Variants in VEPH1 observed in about 807,000 individuals in gnomAD.
VEPH1 encodes the protein ventricular zone expressed PH domain containing 1.
VEPH1 carries 80 observed loss-of-function variants against 85.2 expected under a neutral mutation model. The observed-to-expected ratio is 0.94, with a 90% CI of 0.78 to 1.13. The LOEUF is 1.13. VEPH1 is among the 50% of genes most tolerant of loss of function. The pLI, the probability that VEPH1 is intolerant of heterozygous loss-of-function variation, is 0.00. For missense variants in VEPH1, 955 were observed against 980.5 expected, an observed-to-expected ratio of 0.97 and a Z score of 0.35; for synonymous variants, 297 against 348.0, an observed-to-expected ratio of 0.85 and a Z score of 1.63.
rs573328767 is a variant in VEPH1, at chr3:157,264,268, G to A, written c.2265+1258C>T. Reference sequence around the variant, plus strand: ...CCCCCCAGCTCACTGCCATACCCAGGTTCTCAGGCCTTTGGCCTTGGACTG... The same window carrying A: ...CCCCCCAGCTCACTGCCATACCCAGATTCTCAGGCCTTTGGCCTTGGACTG... On this transcript the variant is annotated intron_variant, in intron 13 of 13. Transcript: ENST00000362010. 8.2e-4 allele frequency among the ~76,000 whole-genome samples: 125 copies of A among 152,294 alleles called. 2 individuals are homozygous for A. The South Asian group carries it at 0.025, about 31-fold the overall frequency.
chr3:157,491,336 G>A (rs1183303317), intron 2 of VEPH1, among the ~76,000 whole-genome samples: 2 of 152,148 alleles, frequency 1.3e-5, no homozygotes, highest in Admixed American at 1.3e-4. Context: ...AGAAGTGGAT[G>A]AGTGGATGAG....
At chr3:157,267,091 T>TC (rs1713756098) in intron 12 of VEPH1, among the ~76,000 whole-genome samples, 1 of 112,536 alleles carries the variant, frequency 8.9e-6, no homozygotes, top group Non-Finnish European at 1.8e-5. Context: ...TCTTTTCTTT[T>TC]TCTTTTTTTT....
At chr3:157,364,558 C>A in intron 7 of VEPH1, 46 bp from the exon 8 acceptor site, 1 of 1,553,480 alleles carries the variant, frequency 6.4e-7, no homozygotes, top group Non-Finnish European at 8.8e-7. Context: ...CATATATACT[C>A]TTCAGAACAG....
At chr3:157,333,787 T>C (rs926609088) in intron 9 of VEPH1, among the ~76,000 whole-genome samples, 4 of 152,180 alleles carry the variant, frequency 2.6e-5, no homozygotes, top group Non-Finnish European at 5.9e-5. Flanking sequence ...TAACCAGATA[T>C]AGGGCACAGA....
chr3:157,388,983 A>G (rs1483242477), intron 6 of VEPH1, among the ~76,000 whole-genome samples: 1 of 152,146 alleles, frequency 6.6e-6, no homozygotes, highest in Non-Finnish European at 1.5e-5. Flanking sequence ...TTTGGGAATA[A>G]CAAGTAGCTA....
intron 9 of VEPH1, among the ~76,000 whole-genome samples, chr3:157,351,979 G>A (rs1164891404): frequency 2.6e-5 from 4 of 152,114 alleles, no homozygotes; most frequent in African/African-American, 7.2e-5. Flanking sequence ...AATTACCTCT[G>A]GTTTAGAATA....
intron 13 of VEPH1, among the ~76,000 whole-genome samples, chr3:157,262,690 C>T (rs1382721244): frequency 1.3e-5 from 2 of 152,012 alleles, no homozygotes; most frequent in Non-Finnish European, 2.9e-5. Flanking sequence ...TTTAAAATGT[C>T]AATATTTACA....
intron 3 of VEPH1, among the ~76,000 whole-genome samples, chr3:157,460,599 G>A (rs1735773375): frequency 6.6e-6 from 1 of 152,170 alleles, no homozygotes; most frequent in Non-Finnish European, 1.5e-5. Context: ...AAAAGGCAGG[G>A]TGCTAACAGA....
Position 157,273,027 on chromosome 3 carries a change from G to A in VEPH1, c.2129-7365C>T, listed in dbSNP as rs78354995. Reference sequence around the variant, plus strand: ...GGAAGAAGGGTAGAAAGGAGTTAGAGGGGGAAAACCATGGGTCTAAAGAAT... The same window carrying A: ...GGAAGAAGGGTAGAAAGGAGTTAGAAGGGGAAAACCATGGGTCTAAAGAAT... On this transcript the variant is annotated intron_variant, in intron 12 of 13. Transcript: ENST00000362010. 2.9e-3 allele frequency among the ~76,000 whole-genome samples: 435 copies of A among 152,282 alleles called. 1 individual carries two copies. The highest frequency in any genetic ancestry group is 0.01 in the African/African-American group (416 of 41,546).
chr3:157,392,619 T>A (rs1234824650), intron 6 of VEPH1, among the ~76,000 whole-genome samples: 1 of 150,902 alleles, frequency 6.6e-6, no homozygotes, highest in Non-Finnish European at 1.5e-5. Context: ...GCTGATGATC[T>A]AAAAAAAAAA....
At chr3:157,304,296 G>A (rs1719225691) in intron 11 of VEPH1, among the ~76,000 whole-genome samples, 1 of 152,070 alleles carries the variant, frequency 6.6e-6, no homozygotes, top group South Asian at 2.1e-4. Flanking sequence ...CCAAATGTTA[G>A]CCAGATGGGG....
chr3:157,424,245 T>A (rs550830496), intron 5 of VEPH1, among the ~76,000 whole-genome samples: 74 of 152,362 alleles, frequency 4.9e-4, no homozygotes, highest in Non-Finnish European at 9.0e-4. Flanking sequence ...ATGTAAGAAG[T>A]GCCTTTTGCC....
chr3:157,311,755 C>T (rs900640754), intron 11 of VEPH1, among the ~76,000 whole-genome samples: 4 of 151,892 alleles, frequency 2.6e-5, no homozygotes, highest in African/African-American at 9.7e-5. Context: ...TTTTAATTTA[C>T]TGGTTGCCTC....
intron 9 of VEPH1, among the ~76,000 whole-genome samples, chr3:157,345,973 G>A (rs1446353642): frequency 6.7e-6 from 1 of 150,346 alleles, no homozygotes; most frequent in Non-Finnish European, 1.5e-5. Context: ...GGTGGGAATT[G>A]AACAATGAGA....
Position 157,421,042 on chromosome 3 carries a change from G to C in VEPH1, c.697-6952C>G, listed in dbSNP as rs1213058362. Among the ~76,000 whole-genome samples, 15 of 152,170 alleles carry C rather than the reference G, an allele frequency of 9.9e-5. 1 individual carries two copies. Among genetic ancestry groups the C allele is most frequent in the Admixed American group, 8.5e-4 (13 of 15,272 alleles). ...TCCTGAGAATTCTCTGGAGGTACCAGTTATAAATTACTAGCCAGGAACTGC... is the reference window on the plus strand; with the variant it reads ...TCCTGAGAATTCTCTGGAGGTACCACTTATAAATTACTAGCCAGGAACTGC... On this transcript the variant is annotated intron_variant, in intron 5 of 13. Coordinates refer to ENST00000362010, the MANE Select transcript of VEPH1 (RefSeq NM_001167912.2).
chr3:157,399,323 A>G (rs1730650201), intron 6 of VEPH1, among the ~76,000 whole-genome samples: 1 of 152,218 alleles, frequency 6.6e-6, no homozygotes, highest in African/African-American at 2.4e-5. Flanking sequence ...TATCTTCAAC[A>G]TTTCACCAAG....
intron 11 of VEPH1, among the ~76,000 whole-genome samples, chr3:157,291,772 C>T (rs931262005): frequency 2.0e-5 from 3 of 152,124 alleles, no homozygotes; most frequent in South Asian, 4.1e-4. Context: ...TGGCACTTTG[C>T]CCATAGTAAA....
chr3:157,458,620 TAATTC>T (rs902865300), intron 4 of VEPH1, among the ~76,000 whole-genome samples: 13 of 152,360 alleles, frequency 8.5e-5, no homozygotes, highest in Admixed American at 5.2e-4. Flanking sequence ...AGAAGCTCTC[TAATTC>T]AATTAGGTCC....
intron 11 of VEPH1, among the ~76,000 whole-genome samples, chr3:157,291,601 C>T (rs894102149): frequency 2.0e-5 from 3 of 152,140 alleles, no homozygotes; most frequent in Admixed American, 6.5e-5. Flanking sequence ...ATTGTGTCTG[C>T]AGTATTCTTC....
Sources: allele counts gnomAD v4.1 joint callset (sites outside exome capture counted in the v4.1 genomes callset), GRCh38; gene constraint gnomAD v4.1.1; transcripts MANE v1.5; gene names NCBI Gene and HGNC (gene_info 2026-07-23, HGNC 2026-07-21).